RORA: variants seen among roughly 807,000 people sequenced by gnomAD.
RORA encodes the protein RAR related orphan receptor A, also known as nuclear receptor ROR-alpha.
A neutral mutation model predicts 69.5 loss-of-function variants in RORA; 7 were observed. The ratio of observed to expected loss-of-function variants is 0.10; its 90% CI spans 0.06 to 0.19. The LOEUF (loss-of-function observed/expected upper bound fraction) is 0.19. Ranked by LOEUF, RORA falls within the 10% of genes least tolerant of loss-of-function variation. The pLI, the probability that RORA is intolerant of heterozygous loss-of-function variation, is 1.00. For missense variants in RORA, 457 were observed against 663.0 expected (o/e 0.69, Z 3.41); for synonymous variants, 261 against 240.8 (o/e 1.08, Z -0.78).
rs141815855 is a variant in RORA at position 61,109,717 on chromosome 15, A to G, written c.166+119336T>C. On this transcript the variant is annotated intron_variant, in intron 1 of 10. Transcript: ENST00000335670. ...TTGTTAAAAGCATGCGCTCTGAAAC[A>G]CTGCCTAATGTTCACATCCTAACTC... Among the ~76,000 whole-genome samples the G allele has an allele frequency of 1.8e-3, 280 of 152,330 alleles. 7 individuals are homozygous for G. The East Asian group carries it at 0.051, about 28-fold the overall frequency.
intron 1 of RORA, among the ~76,000 whole-genome samples, chr15:60,803,214 T>A (rs2072612095): frequency 6.6e-6 from 1 of 152,214 alleles, no homozygotes; most frequent in South Asian, 2.1e-4. Context: ...AATTTATGCC[T>A]CAAATTAGAA....
chr15:60,529,739 G>A (rs375782121), intron 3 of RORA: 20 of 152,270 alleles, frequency 1.3e-4, no homozygotes, highest in African/African-American at 4.3e-4. Context: ...TTGTGCCATG[G>A]TACTCAGTCA....
At chr15:60,807,460 T>C (rs557715729) in intron 1 of RORA, among the ~76,000 whole-genome samples, 5 of 152,330 alleles carry the variant, frequency 3.3e-5, no homozygotes, top group South Asian at 2.1e-4. Context: ...CCCATGCTCA[T>C]GGATGGGTAG....
At chr15:60,733,834 T>C (rs1567172689) in intron 1 of RORA, among the ~76,000 whole-genome samples, 1 of 151,504 alleles carries the variant, frequency 6.6e-6, no homozygotes, top group Non-Finnish European at 1.5e-5. Context: ...CAATCAGTTG[T>C]TCCCAGTGGA....
At position 60,700,965 on chromosome 15, in the gene RORA, G is replaced by A. The variant is rs184231571; in HGVS notation, c.167-22279C>T. Among the ~76,000 whole-genome samples the A allele has an allele frequency of 3.9e-3, 593 of 152,204 alleles. 4 individuals are homozygous for A. The highest frequency in any genetic ancestry group is 0.014 in the African/African-American group (568 of 41,520). ...GGATGGGTGGGGACATGTTTCATTC[G>A]CCGACTGCCAAGCCATGTGCCCTGG... On this transcript the variant is annotated intron_variant, in intron 1 of 10. Transcript: ENST00000335670.
At chr15:60,846,462 C>T (rs948389085) in intron 1 of RORA, among the ~76,000 whole-genome samples, 1 of 152,198 alleles carries the variant, frequency 6.6e-6, no homozygotes, top group Non-Finnish European at 1.5e-5. Context: ...AGGACTCATA[C>T]TAATGTGTTA....
At chr15:61,222,869 A>G (rs943826414) in intron 1 of RORA, among the ~76,000 whole-genome samples, 3 of 152,248 alleles carry the variant, frequency 2.0e-5, no homozygotes, top group African/African-American at 7.2e-5. Flanking sequence ...AGGATTTAAG[A>G]GCCTCATGCC....
chr15:61,196,309 A>G (rs2079844997), intron 1 of RORA, among the ~76,000 whole-genome samples: 1 of 152,230 alleles, frequency 6.6e-6, no homozygotes, highest in Non-Finnish European at 1.5e-5. Flanking sequence ...TGCATCACCA[A>G]TCCTCAGACC....
intron 2 of RORA, among the ~76,000 whole-genome samples, chr15:60,540,574 C>CCTCCG (rs72120718): frequency 1.9e-5 from 2 of 102,646 alleles, no homozygotes; most frequent in African/African-American, 9.0e-5. Flanking sequence ...ACCCCCCCCC[C>CCTCCG]CCAAAACTGT....
chr15:60,859,563 G>A (rs1056621262), intron 1 of RORA, among the ~76,000 whole-genome samples: 5 of 148,252 alleles, frequency 3.4e-5, no homozygotes, highest in South Asian at 2.1e-4. Context: ...CAGTCTCTTC[G>A]TGGGACTGCC....
chr15:60,623,322 G>C (rs1444963527), intron 2 of RORA, among the ~76,000 whole-genome samples: 2 of 152,150 alleles, frequency 1.3e-5, no homozygotes, highest in Non-Finnish European at 2.9e-5. Flanking sequence ...GCCCAGGAGG[G>C]GGCAGTCAGC....
chr15:60,817,957 A>G (rs1452168834), intron 1 of RORA, among the ~76,000 whole-genome samples: 2 of 152,146 alleles, frequency 1.3e-5, no homozygotes, highest in Admixed American at 6.5e-5. Flanking sequence ...CTTTTACTCA[A>G]TGCCCTGATT....
chr15:61,126,480 T>C (rs1325766127), intron 1 of RORA, among the ~76,000 whole-genome samples: 2 of 152,242 alleles, frequency 1.3e-5, no homozygotes, highest in African/African-American at 4.8e-5. Context: ...TAAAATTCTA[T>C]ACCCTTTGAC....
chr15:61,039,622 G>A (rs1480699774), intron 1 of RORA, among the ~76,000 whole-genome samples: 1 of 151,602 alleles, frequency 6.6e-6, no homozygotes, highest in African/African-American at 2.4e-5. Flanking sequence ...GTGCACACCT[G>A]TAATCCCAGC....
At chr15:60,970,038 CG>C (rs1488480918) in intron 1 of RORA, among the ~76,000 whole-genome samples, 1 of 152,080 alleles carries the variant, frequency 6.6e-6, no homozygotes, top group African/African-American at 2.4e-5. Flanking sequence ...CAAAAAGAAG[CG>C]GGGAAAGAAG....
At chr15:60,552,522 T>C (rs1477486426) in intron 2 of RORA, among the ~76,000 whole-genome samples, 1 of 152,192 alleles carries the variant, frequency 6.6e-6, no homozygotes, top group East Asian at 1.9e-4. Flanking sequence ...TCCCAGTGCC[T>C]GCCTCAGTGC....
chr15:61,086,622 G>A (rs764319549), intron 1 of RORA, among the ~76,000 whole-genome samples: 5 of 151,858 alleles, frequency 3.3e-5, no homozygotes, highest in Non-Finnish European at 5.9e-5. Flanking sequence ...TGATTTGGCC[G>A]CTTTAGAGAT....
chr15:60,919,472 C>T (rs11071568), intron 1 of RORA, among the ~76,000 whole-genome samples: 96,000 of 152,158 alleles, frequency 0.63, 30,841 homozygotes, highest in East Asian at 0.87. Flanking sequence ...TTGTTGATGC[C>T]TCAAAATTGA....
At chr15:60,543,754 T>C (rs938238214) in intron 2 of RORA, among the ~76,000 whole-genome samples, 1 of 152,180 alleles carries the variant, frequency 6.6e-6, no homozygotes, top group South Asian at 2.1e-4. Flanking sequence ...AGTGCTGGGA[T>C]CACTGTCTAT....
Sources: gnomAD v4.1 joint callset for allele counts (sites outside exome capture counted in the v4.1 genomes callset) on GRCh38, gnomAD v4.1.1 for gene constraint, MANE v1.5 for transcripts, NCBI Gene and HGNC (gene_info 2026-07-23, HGNC 2026-07-21) for gene names.